Variants in PTPRQ observed in about 807,000 individuals in gnomAD.
PTPRQ encodes protein tyrosine phosphatase receptor type Q.
PTPRQ carries 199 observed loss-of-function variants against 246.0 expected under a neutral mutation model. The observed-to-expected ratio is 0.81, with a 90% CI of 0.72 to 0.91. The LOEUF is 0.91. PTPRQ is among the 40% of genes least tolerant of loss of function. PTPRQ has a pLI of 0.00. For missense variants in PTPRQ, 2,624 were observed against 2,528.4 expected (o/e 1.04, Z -0.81); for synonymous variants, 869 against 853.2 (o/e 1.02, Z -0.32).
rs372259402 is a variant in PTPRQ, at chr12:80,616,344, T to G, written c.5230+78T>G. The G allele has an allele frequency of 2.9e-6, 4 of 1,363,244 alleles. No individual in the cohort carries two copies. The South Asian group carries it at 6.5e-5, about 22-fold the overall frequency. The allele number at this position is 1,363,244 out of a possible 1,614,324, so 84.4% of individuals were successfully genotyped here. ...TTAAATTCCATACTTGAAATAAGGA[T>G]GTAGACAAGCCTTTAAGTGATAAAT... On this transcript the variant is annotated intron_variant, in intron 30 of 44. Transcript: ENST00000644991.
At chr12:80,664,961 A>C (rs565696572) in intron 39 of PTPRQ, among the ~76,000 whole-genome samples, 1 of 151,926 alleles carries the variant, frequency 6.6e-6, no homozygotes, top group African/African-American at 2.4e-5. Context: ...CTCTAGAGGG[A>C]CAGAACTAAC....
chr12:80,563,213 A>G (rs1238273055), intron 25 of PTPRQ, among the ~76,000 whole-genome samples: 4 of 152,206 alleles, frequency 2.6e-5, no homozygotes, highest in Admixed American at 2.6e-4. Context: ...GAAGCTGGAA[A>G]GTCCAACATC....
intron 23 of PTPRQ, among the ~76,000 whole-genome samples, chr12:80,544,017 A>G (rs1171532888): frequency 1.3e-5 from 2 of 152,112 alleles, no homozygotes; most frequent in Non-Finnish European, 2.9e-5. Context: ...ATAATTGTGT[A>G]CGTGTGTTAG....
chr12:80,632,707 G>A (rs748729981), intron 34 of PTPRQ, among the ~76,000 whole-genome samples: 8 of 152,232 alleles, frequency 5.3e-5, no homozygotes, highest in Non-Finnish European at 1.0e-4. Flanking sequence ...ACATGGAATC[G>A]CTACTTCTAG....
At chr12:80,613,885 A>T in intron 29 of PTPRQ, 49 bp downstream of exon 29, 1 of 1,442,744 alleles carries the variant, frequency 6.9e-7, no homozygotes, top group Non-Finnish European at 9.1e-7. Flanking sequence ...ATGTCAGTTT[A>T]TGAACTTGGC....
intron 26 of PTPRQ, among the ~76,000 whole-genome samples, chr12:80,600,280 A>G (rs1364071979): frequency 4.6e-5 from 7 of 151,714 alleles, no homozygotes; most frequent in Non-Finnish European, 1.0e-4. Flanking sequence ...TTGGGGTCAC[A>G]CACTCCCTGA....
intron 42 of PTPRQ, among the ~76,000 whole-genome samples, chr12:80,672,034 A>G (rs1900985905): frequency 6.6e-6 from 1 of 152,012 alleles, no homozygotes; most frequent in African/African-American, 2.4e-5. Context: ...ACCTTATGCT[A>G]GTTTCTTTTC....
At chr12:80,651,987 T>C (rs1420053848) in intron 37 of PTPRQ, among the ~76,000 whole-genome samples, 1 of 152,032 alleles carries the variant, frequency 6.6e-6, no homozygotes, top group Admixed American at 6.6e-5. Context: ...TGTTGAAAAA[T>C]TGTTAAAACA....
chr12:80,599,463 A>G (rs1898071998), intron 26 of PTPRQ, among the ~76,000 whole-genome samples: 1 of 151,904 alleles, frequency 6.6e-6, no homozygotes, highest in South Asian at 2.1e-4. Flanking sequence ...CTTATAAGTT[A>G]CTAAGCTTTT....
chr12:80,523,867 G>C (rs7300326), intron 17 of PTPRQ, among the ~76,000 whole-genome samples: 4 of 152,022 alleles, frequency 2.6e-5, no homozygotes, highest in Admixed American at 1.3e-4. Context: ...GAGTTCTGTA[G>C]ATGTCTATTA....
chr12:80,507,270 A>G (rs1343294813), intron 16 of PTPRQ, among the ~76,000 whole-genome samples: 1 of 152,004 alleles, frequency 6.6e-6, no homozygotes, highest in Non-Finnish European at 1.5e-5. Context: ...GACATATATT[A>G]TGCTAAGAAT....
At chr12:80,520,602 C>A (rs536848927) in intron 17 of PTPRQ, among the ~76,000 whole-genome samples, 1 of 147,536 alleles carries the variant, frequency 6.8e-6, no homozygotes, top group Non-Finnish European at 1.5e-5. Flanking sequence ...TGAGTGAGAA[C>A]ATGCGGTGTT....
rs796081441 is a variant in PTPRQ, at chr12:80,671,671, A to C, written c.6602+1179A>C. 3.9e-4 allele frequency among the ~76,000 whole-genome samples: 60 copies of C among 152,254 alleles called. 1 individual carries two copies. The highest frequency in any genetic ancestry group is 1.4e-3 in the African/African-American group (58 of 41,572). ...CATTTAGCTTCCAATTCAACTTGAC[A>C]GACTGAATGACTAAAAAGTTCTAGA... On this transcript the variant is annotated intron_variant, in intron 42 of 44. Transcript: ENST00000644991.
At chr12:80,636,099 T>C (rs1421796190) in intron 35 of PTPRQ, among the ~76,000 whole-genome samples, 1 of 152,178 alleles carries the variant, frequency 6.6e-6, no homozygotes, top group East Asian at 1.9e-4. Flanking sequence ...TGCTACAAAA[T>C]GAAGGTTATT....
At chr12:80,629,663 T>C (rs2121161531) in intron 33 of PTPRQ, among the ~76,000 whole-genome samples, 2 of 152,134 alleles carry the variant, frequency 1.3e-5, no homozygotes, top group Middle Eastern at 3.4e-3. Flanking sequence ...CTTTTCTCAG[T>C]GGGAGATGAG....
intron 41 of PTPRQ, among the ~76,000 whole-genome samples, 188 bp from the exon 42 acceptor site, chr12:80,670,156 T>C (rs1900923255): frequency 6.6e-6 from 1 of 152,134 alleles, no homozygotes; most frequent in Non-Finnish European, 1.5e-5. Flanking sequence ...TTTTCATTCA[T>C]ATTGAAAGGC....
intron 35 of PTPRQ, among the ~76,000 whole-genome samples, chr12:80,648,408 A>G (rs1197335733): frequency 6.8e-6 from 1 of 146,744 alleles, no homozygotes; most frequent in Non-Finnish European, 1.5e-5. Flanking sequence ...AATAATGGAA[A>G]TAGTTATAAT....
intron 8 of PTPRQ, among the ~76,000 whole-genome samples, chr12:80,477,212 A>T (rs1893838280): frequency 6.6e-6 from 1 of 151,790 alleles, no homozygotes; most frequent in Non-Finnish European, 1.5e-5. Flanking sequence ...GATTATTTTT[A>T]AAATATCAGA....
rs554246103 is a variant in PTPRQ, at chr12:80,466,034, G to A, written c.911-2676G>A. Among the ~76,000 whole-genome samples the A allele has an allele frequency of 1.6e-4, 25 of 152,234 alleles. No homozygotes were observed. In the East Asian group the frequency reaches 3.5e-3, roughly 21 times the overall value. On this transcript the variant is annotated intron_variant, in intron 6 of 44. Coordinates refer to ENST00000644991, the MANE Select transcript of PTPRQ (RefSeq NM_001145026.2). ...AATTAGGCAGGAGAAGGAAGTAAACGGTATTCAATTAGGAAAAGAGGAAGT... is the reference window on the plus strand; with the variant it reads ...AATTAGGCAGGAGAAGGAAGTAAACAGTATTCAATTAGGAAAAGAGGAAGT...
Sources: allele counts gnomAD v4.1 joint callset (sites outside exome capture counted in the v4.1 genomes callset), GRCh38; gene constraint gnomAD v4.1.1; transcripts MANE v1.5; gene names NCBI Gene and HGNC (gene_info 2026-07-23, HGNC 2026-07-21).